ZBTB17: variants seen among roughly 807,000 people sequenced by gnomAD.
ZBTB17 encodes zinc finger and BTB domain containing 17.
A neutral mutation model predicts 85.1 loss-of-function variants in ZBTB17; 24 were observed. The ratio of observed to expected loss-of-function variants is 0.28; its 90% CI spans 0.20 to 0.40. The LOEUF (loss-of-function observed/expected upper bound fraction) is 0.40. Among genes scored for constraint, ZBTB17 ranks in the 10% least tolerant of loss-of-function variants. The pLI is 1.00. For synonymous variants in ZBTB17, 464 were observed against 460.2 expected, an observed-to-expected ratio of 1.01 and a Z score of -0.11; for missense variants, 743 against 1,105.1, an observed-to-expected ratio of 0.67 and a Z score of 4.65.
chr1:15,947,118 C>T lies in ZBTB17; in HGVS notation c.211G>A (p.Gly71Arg), dbSNP rs779724603. 1.7e-5 allele frequency: 28 copies of T among 1,608,344 alleles called. No individual in the cohort carries two copies. The highest frequency in any genetic ancestry group is 2.3e-5 in the Non-Finnish European group (27 of 1,175,706). ...HLDISNAAGL[G>R]QVLEFMYTAK... ...GTGTACATAAACTCCAGCACCTGCC[C>T]CAGGCCTACCAAGGACAGGACAGCT... Residue 71 changes from glycine (G) to arginine (R), a missense_variant, in exon 4 of 16, where the codon GGG (glycine) becomes AGG (arginine). Around this residue, in one of 4 missense-constraint regions of ZBTB17, gnomAD observed 74 missense variants for 142.6 expected, o/e 0.52. Coordinates refer to ENST00000375743, the MANE Select transcript of ZBTB17 (RefSeq NM_003443.3).
At chr1:15,948,268 C>T (rs2071695311) in intron 3 of ZBTB17, 23 bp downstream of exon 3, 1 of 1,613,264 alleles carries the variant, frequency 6.2e-7, no homozygotes, top group African/African-American at 1.3e-5. Flanking sequence ...TCAGCAAGCT[C>T]AGCCCCAGCC....
In ZBTB17 at chr1:15,943,800, G is replaced by T. The variant is rs375270613; in HGVS notation, c.1459+8C>A. ...GTGTGAGGGCAGCCAGGGCAGCCCT[G>T]GCCCTACCTGAGGTGGTGAACTGCT... is the stretch of plus-strand genomic sequence containing the variant. On this transcript the variant is annotated splice_region_variant and intron_variant, in intron 10 of 15. Transcript: ENST00000375743. 4 of 1,612,414 alleles carry T rather than the reference G, an allele frequency of 2.5e-6. No individual in the cohort carries two copies. In the African/African-American group the frequency reaches 4.0e-5, roughly 16 times the overall value.
In ZBTB17 at chr1:15,964,478, G is replaced by C. The variant is rs564976015; in HGVS notation, c.-3+8561C>G. Among the ~76,000 whole-genome samples, 1 of 152,232 alleles carries C rather than the reference G, an allele frequency of 6.6e-6. No homozygotes were observed. Among genetic ancestry groups the C allele is most frequent in the Non-Finnish European group, 1.5e-5 (1 of 68,044 alleles). ...CACGCCTGTAATCCCAACACGTTGG[G>C]AGGCTGAGGTGGGAGGATTGCTTGA... is the stretch of plus-strand genomic sequence containing the variant. On this transcript the variant is annotated intron_variant, in intron 2 of 15. Coordinates refer to ENST00000375743, the MANE Select transcript of ZBTB17 (RefSeq NM_003443.3). The surrounding 1 kb of genome is among the most constrained non-coding windows in gnomAD (Gnocchi z 4.3).
rs1177832554 is a variant in ZBTB17, at chr1:15,952,679, G to A, written c.-2-4182C>T. Among the ~76,000 whole-genome samples, 1 of 152,254 alleles carries A rather than the reference G, an allele frequency of 6.6e-6. No homozygotes were observed. The highest frequency in any genetic ancestry group is 1.5e-5 in the Non-Finnish European group (1 of 68,044). On this transcript the variant is annotated intron_variant, in intron 2 of 15. Coordinates refer to ENST00000375743, the MANE Select transcript of ZBTB17 (RefSeq NM_003443.3). The surrounding 1 kb of genome is among the most constrained non-coding windows in gnomAD (Gnocchi z 4.3). ...TCCTGGGAATCCAGTCACCGAGCTGGAGGAAAGTCCAAGCTCCCGTGTGAG... is the reference window on the plus strand; with the variant it reads ...TCCTGGGAATCCAGTCACCGAGCTGAAGGAAAGTCCAAGCTCCCGTGTGAG...
rs967447105 is a variant in ZBTB17, at chr1:15,958,542, C to T, written c.-2-10045G>A. On this transcript the variant is annotated intron_variant, in intron 2 of 15. Coordinates refer to ENST00000375743, the MANE Select transcript of ZBTB17 (RefSeq NM_003443.3). ...AACTCAATTTCAATATAGAGGGATT[C>T]GGGGGTCCAATCTCCATAACTGGTG... Among the ~76,000 whole-genome samples, 8 of 151,878 alleles carry T rather than the reference C, an allele frequency of 5.3e-5. No homozygotes were observed. In the East Asian group the frequency reaches 7.7e-4, roughly 15 times the overall value.
intron 1 of ZBTB17, among the ~76,000 whole-genome samples, chr1:15,974,926 T>A (rs1324954043): frequency 6.6e-6 from 1 of 152,226 alleles, no homozygotes. Flanking sequence ...TCTACGAAGA[T>A]GAGTTTTCTC....
At chr1:15,974,673 C>T (rs367754435) in intron 1 of ZBTB17, among the ~76,000 whole-genome samples, 9 of 152,038 alleles carry the variant, frequency 5.9e-5, no homozygotes, top group Non-Finnish European at 1.5e-5. Context: ...CTCCTGCGTT[C>T]GAGCGATTCT....
rs191505288 is a variant in ZBTB17 at position 15,971,111 on chromosome 1, G to T, written c.-3+1928C>A. Reference sequence around the variant, plus strand: ...ATGTGGGGCTGGCCTCACCTCCTGAGAAATCAGTGTTCACAACTTCCTTGT... The same window carrying T: ...ATGTGGGGCTGGCCTCACCTCCTGATAAATCAGTGTTCACAACTTCCTTGT... On this transcript the variant is annotated intron_variant, in intron 2 of 15. Coordinates refer to ENST00000375743, the MANE Select transcript of ZBTB17 (RefSeq NM_003443.3). Among the ~76,000 whole-genome samples the T allele has an allele frequency of 2.3e-3, 346 of 152,212 alleles. 2 individuals carry two copies. Among genetic ancestry groups the T allele is most frequent in the South Asian group, 5.0e-3 (24 of 4,816 alleles).
At chr1:15,956,361 A>T (rs1464702504) in intron 2 of ZBTB17, among the ~76,000 whole-genome samples, 1 of 152,244 alleles carries the variant, frequency 6.6e-6, no homozygotes, top group Non-Finnish European at 1.5e-5. Context: ...TTACAGATCA[A>T]GTAGGGAACA....
At chr1:15,955,922 C>T (rs1356767002) in intron 2 of ZBTB17, among the ~76,000 whole-genome samples, 1 of 152,186 alleles carries the variant, frequency 6.6e-6, no homozygotes. Context: ...GGCAGACACC[C>T]CTCTGCCTGA....
intron 3 of ZBTB17, among the ~76,000 whole-genome samples, chr1:15,947,769 TCA>T (rs1049617562): frequency 1.3e-5 from 2 of 152,192 alleles, no homozygotes; most frequent in Non-Finnish European, 2.9e-5. Context: ...TCTTTGGGTC[TCA>T]GTTTCCACAT....
At chr1:15,960,418 G>GA (rs1332215557) in intron 2 of ZBTB17, among the ~76,000 whole-genome samples, 1 of 151,922 alleles carries the variant, frequency 6.6e-6, no homozygotes, top group Non-Finnish European at 1.5e-5. Flanking sequence ...TTTTAAAAAA[G>GA]AAAAAAACTA....
chr1:15,950,928 CTGGA>C (rs925834905), intron 2 of ZBTB17, among the ~76,000 whole-genome samples: 66 of 152,262 alleles, frequency 4.3e-4, no homozygotes, highest in African/African-American at 1.4e-3. Flanking sequence ...TGTCCTGGGA[CTGGA>C]TGGATGGATG....
rs538953493 is a variant in ZBTB17, at chr1:15,942,551, C to T, written c.2016G>A (p.Ala672=). The change falls in exon 14 of 16, where the codon GCG becomes GCA. Residue 672 remains alanine, a synonymous_variant. Transcript: ENST00000375743. Reference sequence around the variant, plus strand: ...CACCTGTGAGCTGAGTGACGGCTGTCGCTGCCAGTGCCTCGGTAGCCAGCG... The same window carrying T: ...CACCTGTGAGCTGAGTGACGGCTGTTGCTGCCAGTGCCTCGGTAGCCAGCG... ...MVTLATEALA[A]TAVTQLTVVP... The T allele has an allele frequency of 9.3e-6, 15 of 1,611,418 alleles. No individual in the cohort carries two copies. The highest frequency in any genetic ancestry group is 4.0e-5 in the African/African-American group (3 of 75,070).
Position 15,964,843 on chromosome 1 carries a change from C to T in ZBTB17, c.-3+8196G>A, listed in dbSNP as rs950325254. 4.0e-5 allele frequency among the ~76,000 whole-genome samples: 6 copies of T among 151,424 alleles called. No individual in the cohort carries two copies. Among genetic ancestry groups the T allele is most frequent in the East Asian group, 3.9e-4 (2 of 5,066 alleles). The stretch of plus-strand genomic sequence containing the variant: ...ATTTAAACAGAGAACAGGCCGGGCA[C>T]GGTGGCTCACGCCTATAATCCCAGC... On this transcript the variant is annotated intron_variant, in intron 2 of 15. Transcript: ENST00000375743. This position sits in a 1 kb window ranked among gnomAD's most constrained non-coding sequence, Gnocchi z 4.3.
In ZBTB17 at chr1:15,955,110, C is replaced by T. The variant is rs139459960; in HGVS notation, c.-2-6613G>A. 6.4e-3 allele frequency among the ~76,000 whole-genome samples: 973 copies of T among 151,018 alleles called. 11 individuals carry two copies. Among genetic ancestry groups the T allele is most frequent in the African/African-American group, 0.022 (910 of 41,050 alleles). ...CGGAGGTAACAGTGAGCCAAGATCA[C>T]ACCACTGCACTCCAGCCTGGGCCAC... On this transcript the variant is annotated intron_variant, in intron 2 of 15. Coordinates refer to ENST00000375743, the MANE Select transcript of ZBTB17 (RefSeq NM_003443.3).
Position 15,953,017 on chromosome 1 carries a change from G to C in ZBTB17, c.-2-4520C>G, listed in dbSNP as rs1003840483. 6.6e-6 allele frequency: 1 copy of C among 152,262 alleles called. No homozygotes were observed. Among genetic ancestry groups the C allele is most frequent in the Non-Finnish European group, 1.5e-5 (1 of 68,080 alleles). 9.4% of individuals were successfully genotyped at this position (152,262 alleles called of 1,614,324 possible). ...AGGAAGTGATTCAGCCAAAGGTTCA[G>C]GATGACGGTTCTCTCTGGATGGGGG... On this transcript the variant is annotated intron_variant, in intron 2 of 15. Coordinates refer to ENST00000375743, the MANE Select transcript of ZBTB17 (RefSeq NM_003443.3). This position sits in a 1 kb window ranked among gnomAD's most constrained non-coding sequence, Gnocchi z 5.1.
At chr1:15,974,766 G>C (rs944675231) in intron 1 of ZBTB17, among the ~76,000 whole-genome samples, 1 of 152,030 alleles carries the variant, frequency 6.6e-6, no homozygotes, top group Non-Finnish European at 1.5e-5. Context: ...GTAGAGACGG[G>C]GGTTTCACCA....
At chr1:15,942,801 C>A in intron 13 of ZBTB17, 63 bp from the exon 14 acceptor site, 1 of 1,573,154 alleles carries the variant, frequency 6.4e-7, no homozygotes, top group Admixed American at 1.7e-5. Flanking sequence ...GGTGGGAGGC[C>A]CTCAATGACT....
Sources: gnomAD v4.1 joint callset for allele counts (sites outside exome capture counted in the v4.1 genomes callset) on GRCh38, gnomAD v4.1.1 for gene constraint, gnomAD v4.1.1 regional missense constraint, Gnocchi (gnomAD v3.1) non-coding constraint, MANE v1.5 for transcripts, NCBI Gene and HGNC (gene_info 2026-07-23, HGNC 2026-07-21) for gene names.